The following ASTL variants were observed in gnomAD, a reference collection of about 807,000 sequenced individuals.
The protein encoded by ASTL is astacin like metalloendopeptidase.
A neutral mutation model predicts 36.7 loss-of-function variants in ASTL; 27 were observed. The ratio of observed to expected loss-of-function variants is 0.73; its 90% confidence interval spans 0.54 to 1.01. The LOEUF is 1.01. ASTL is among the 50% of genes least tolerant of loss of function. The pLI is 0.00. For synonymous variants in ASTL, 222 were observed against 228.1 expected (o/e 0.97, Z 0.24); for missense variants, 524 against 572.8 (o/e 0.91, Z 0.87).
chr2:96,134,138 C>T (rs376266579), intron 3 of ASTL, 80 bp from the exon 4 acceptor site: 2 of 882,434 alleles, frequency 2.3e-6, no homozygotes, highest in African/African-American at 1.7e-5. Context: ...CACCCCAGGG[C>T]ACCAGAACCC....
In ASTL at chr2:96,138,466, A is replaced by G. The variant is rs1339222072; in HGVS notation, c.-30T>C. 1.9e-6 allele frequency: 3 copies of G among 1,595,782 alleles called. No individual in the cohort carries two copies. The South Asian group carries it at 3.4e-5, about 18-fold the overall frequency. ...GAGCCCTGCTGCCCCTTCAGCAAAC[A>G]AGACCAAGCCCCAGCAAGACACAGT... On this transcript the variant is annotated 5_prime_UTR_variant, in exon 1 of 9. Transcript: ENST00000342380.
intron 2 of ASTL, 39 bp downstream of exon 2, chr2:96,137,536 C>T (rs1389566265): frequency 2.5e-6 from 4 of 1,604,816 alleles, no homozygotes; most frequent in Non-Finnish European, 2.6e-6. Context: ...TACATAACGT[C>T]GTGCCCCTCC....
rs142432881 is a variant in ASTL, at chr2:96,132,734, G to A, written c.456-13C>T. On this transcript the variant is annotated splice_polypyrimidine_tract_variant and intron_variant, in intron 5 of 8. Transcript: ENST00000342380. The surrounding 1 kb of genome is among the most constrained non-coding windows in gnomAD (Gnocchi z 5.4). The stretch of plus-strand genomic sequence containing the variant: ...ACTCGAGAAGCACCTGCAGGGTGAT[G>A]AGAGCAAGTGGGGTAAGTGCCAGCC... The A allele has an allele frequency of 1.2e-5, 19 of 1,598,076 alleles. No homozygotes were observed. The East Asian group carries it at 3.6e-4, about 30-fold the overall frequency.
chr2:96,130,197 G>C, intron 6 of ASTL, 52 bp from the exon 7 acceptor site: 2 of 1,449,986 alleles, frequency 1.4e-6, no homozygotes, highest in Middle Eastern at 1.7e-4. Flanking sequence ...GGGCAGGCAA[G>C]AAAGGGCAGG....
intron 8 of ASTL, among the ~76,000 whole-genome samples, chr2:96,128,058 C>T (rs1011148832): frequency 2.0e-5 from 3 of 151,876 alleles, no homozygotes; most frequent in African/African-American, 7.2e-5. Context: ...CATGGTGAAA[C>T]CCCATCTCTA....
Position 96,136,310 on chromosome 2 carries a change from G to A in ASTL, c.182-898C>T, listed in dbSNP as rs114846373. ...TTGGGCAGACAAGGGAGTAGCCCCC[G>A]GGCATCTCTGGCTGAGGCAGCTCCT... is the stretch of plus-strand genomic sequence containing the variant. On this transcript the variant is annotated intron_variant, in intron 2 of 8. Transcript: ENST00000342380. Among the ~76,000 whole-genome samples, 58 of 152,382 alleles carry A rather than the reference G, an allele frequency of 3.8e-4. 1 individual carries two copies. The highest frequency in any genetic ancestry group is 1.1e-3 in the African/African-American group (47 of 41,594).
At position 96,132,646 on chromosome 2, in the gene ASTL, C is replaced by G. The variant is rs1489406295; in HGVS notation, c.531G>C (p.Arg177=). Residue 177 remains arginine, a synonymous_variant, in exon 6 of 9, where the codon CGG becomes CGC. Transcript: ENST00000342380. This position sits in a 1 kb window ranked among gnomAD's most constrained non-coding sequence, Gnocchi z 5.4. ...SLAPTCLQKG[R]GIVLHELMHV... is the part of the protein sequence containing the mutation. ...GCATGAGCTCATGAAGGACAATGCCCCGGCCCTTCTGGAGACACGTGGGCG... is the reference window on the plus strand; with the variant it reads ...GCATGAGCTCATGAAGGACAATGCCGCGGCCCTTCTGGAGACACGTGGGCG... The G allele has an allele frequency of 2.5e-6, 4 of 1,613,684 alleles. No homozygotes were observed. The highest frequency in any genetic ancestry group is 3.4e-6 in the Non-Finnish European group (4 of 1,179,832).
At chr2:96,137,187 G>A (rs1180443032) in intron 2 of ASTL, among the ~76,000 whole-genome samples, 1 of 152,114 alleles carries the variant, frequency 6.6e-6, no homozygotes, top group African/African-American at 2.4e-5. Flanking sequence ...TCCTGCACAG[G>A]GTGGCTGACA....
At chr2:96,136,550 G>T (rs75674705) in intron 2 of ASTL, among the ~76,000 whole-genome samples, 3,687 of 152,308 alleles carry the variant, frequency 0.024, 199 homozygotes, top group East Asian at 0.14. Flanking sequence ...GACCACTCAC[G>T]GTGATCCAGG....
intron 5 of ASTL, among the ~76,000 whole-genome samples, chr2:96,133,198 T>TC: frequency 6.6e-6 from 1 of 151,896 alleles, no homozygotes; most frequent in African/African-American, 2.4e-5. Context: ...CCTCATGGAG[T>TC]CCCCCGGGAG....
Position 96,123,706 on chromosome 2 carries a change from C to G in ASTL, c.*144G>C. The G allele has an allele frequency of 1.5e-6, 1 of 653,724 alleles. No homozygotes were observed. The highest frequency in any genetic ancestry group is 2.6e-6 in the Non-Finnish European group (1 of 382,166). The allele number at this position is 653,724 out of a possible 1,614,324, so 40.5% of individuals were successfully genotyped here. A position where few individuals can be genotyped will look rare whatever the true frequency, so the allele number is the denominator to read the frequency against. On this transcript the variant is annotated 3_prime_UTR_variant, in exon 9 of 9. Coordinates refer to ENST00000342380, the MANE Select transcript of ASTL (RefSeq NM_001002036.4). The stretch of plus-strand genomic sequence containing the variant: ...CTTAGGGGAACACAGTGAAGAGAGA[C>G]AGGGGAAGAGTCCTGGCCCTCTGAG...
chr2:96,128,742 G>A (rs935382153), intron 8 of ASTL, among the ~76,000 whole-genome samples: 3 of 152,142 alleles, frequency 2.0e-5, no homozygotes, highest in African/African-American at 4.8e-5. Context: ...GGATGTCTTG[G>A]CTATTATTGA....
Position 96,132,501 on chromosome 2 carries a change from TC to T in ASTL, c.637+38del. Reference sequence around the variant, plus strand: ...CTTGGGCCCAAGCCGTGCTGTCCCCTCCCCGGCACCAGCCTGTCCTGCGTGT... The same window carrying T: ...CTTGGGCCCAAGCCGTGCTGTCCCCTCCCGGCACCAGCCTGTCCTGCGTGT... On this transcript the variant is annotated intron_variant, in intron 6 of 8. Transcript: ENST00000342380. The surrounding 1 kb of genome is among the most constrained non-coding windows in gnomAD (Gnocchi z 5.4). 1.9e-6 allele frequency: 3 copies of T among 1,540,782 alleles called. No homozygotes were observed. The highest frequency in any genetic ancestry group is 2.6e-6 in the Non-Finnish European group (3 of 1,133,062).
chr2:96,138,270 G>A (rs1682346555), intron 1 of ASTL, 112 bp downstream of exon 1: 1 of 1,022,462 alleles, frequency 9.8e-7, no homozygotes, highest in South Asian at 1.4e-5. Flanking sequence ...TCTGTGCTCT[G>A]AGCTACTGAG....
chr2:96,124,779 C>T lies in ASTL; in HGVS notation c.875-508G>A, dbSNP rs2104762517. 6.6e-6 allele frequency among the ~76,000 whole-genome samples: 1 copy of T among 152,282 alleles called. No homozygotes were observed. Among genetic ancestry groups the T allele is most frequent in the Middle Eastern group, 3.4e-3 (1 of 294 alleles). Reference sequence around the variant, plus strand: ...CCCCACCTCTTTGTGGGCACTCTTCCTCATTCAAGCCCATGTTCTCTGGCT... The same window carrying T: ...CCCCACCTCTTTGTGGGCACTCTTCTTCATTCAAGCCCATGTTCTCTGGCT... On this transcript the variant is annotated intron_variant, in intron 8 of 8. Coordinates refer to ENST00000342380, the MANE Select transcript of ASTL (RefSeq NM_001002036.4). This position sits in a 1 kb window ranked among gnomAD's most constrained non-coding sequence, Gnocchi z 4.1.
chr2:96,125,950 G>A (rs1401101819), intron 8 of ASTL, among the ~76,000 whole-genome samples: 1 of 152,072 alleles, frequency 6.6e-6, no homozygotes, highest in Non-Finnish European at 1.5e-5. Flanking sequence ...TAAAAAAAGT[G>A]TAGGGGAAAG....
chr2:96,134,175 T>C, intron 3 of ASTL, 117 bp from the exon 4 acceptor site: 1 of 707,680 alleles, frequency 1.4e-6, no homozygotes, highest in Non-Finnish European at 2.6e-6. Context: ...AGGACCTGTG[T>C]GCATGGGAAT....
intron 2 of ASTL, among the ~76,000 whole-genome samples, chr2:96,135,992 G>C (rs2104777464): frequency 6.6e-6 from 1 of 152,232 alleles, no homozygotes; most frequent in South Asian, 2.1e-4. Flanking sequence ...CAGGCCCCTT[G>C]AGGTGGCAAT....
intron 3 of ASTL, among the ~76,000 whole-genome samples, chr2:96,134,606 C>T (rs1323489663): frequency 6.6e-6 from 1 of 152,216 alleles, no homozygotes; most frequent in African/African-American, 2.4e-5. Flanking sequence ...GATTCTGCTC[C>T]GGGTGGTCGC....
Sources: gnomAD v4.1 joint callset for allele counts (sites outside exome capture counted in the v4.1 genomes callset) on GRCh38, gnomAD v4.1.1 for gene constraint, Gnocchi (gnomAD v3.1) non-coding constraint, MANE v1.5 for transcripts, NCBI Gene and HGNC (gene_info 2026-07-23, HGNC 2026-07-21) for gene names.